METTL15: variants seen among roughly 807,000 people sequenced by gnomAD.
METTL15 encodes the protein 12S rRNA N(4)-cytidine methyltransferase METTL15.
Under a neutral mutation model 38.3 loss-of-function variants are expected in METTL15, and 34 were observed. The observed-to-expected ratio is 0.89, with a 90% CI of 0.68 to 1.18. The LOEUF (loss-of-function observed/expected upper bound fraction) is 1.18, where lower values mean the gene tolerates loss of function less well. METTL15 is among the 50% of genes most tolerant of loss of function. The pLI is 0.00. For missense variants in METTL15, 438 were observed against 498.4 expected (o/e 0.88, Z 1.15); for synonymous variants, 162 against 170.9 (o/e 0.95, Z 0.41).
At chr11:28,279,785 A>C (rs1186948744) in intron 4 of METTL15, among the ~76,000 whole-genome samples, 1 of 152,112 alleles carries the variant, frequency 6.6e-6, no homozygotes. Flanking sequence ...CTGTAATCCC[A>C]GCTACTCGGA....
intron 3 of METTL15, among the ~76,000 whole-genome samples, chr11:28,210,423 C>G (rs539300147): frequency 6.6e-6 from 1 of 151,650 alleles, no homozygotes; most frequent in Admixed American, 6.6e-5. Flanking sequence ...GTAACTATCC[C>G]AAAGACATAG....
intron 6 of METTL15, among the ~76,000 whole-genome samples, chr11:28,459,464 T>C (rs1396066781): frequency 6.6e-6 from 1 of 152,168 alleles, no homozygotes; most frequent in African/African-American, 2.4e-5. Flanking sequence ...TTTTTCATAG[T>C]GCCATCTTAC....
At chr11:28,271,178 A>G (rs1046724386) in intron 4 of METTL15, among the ~76,000 whole-genome samples, 2 of 152,166 alleles carry the variant, frequency 1.3e-5, no homozygotes, top group Non-Finnish European at 2.9e-5. Flanking sequence ...GCATTTCTGG[A>G]CATTTTCACA....
chr11:28,406,835 T>C (rs1850678682), intron 5 of METTL15, among the ~76,000 whole-genome samples: 3 of 152,188 alleles, frequency 2.0e-5, no homozygotes, highest in African/African-American at 7.2e-5. Flanking sequence ...CATAAATGGC[T>C]CTTATTATTT....
intron 4 of METTL15, among the ~76,000 whole-genome samples, chr11:28,268,783 G>A (rs1855532278): frequency 6.6e-6 from 1 of 152,060 alleles, no homozygotes; most frequent in Admixed American, 6.6e-5. Flanking sequence ...CCCTGATTAG[G>A]ATATTATTAT....
chr11:28,174,892 T>C (rs1455529247), intron 3 of METTL15, among the ~76,000 whole-genome samples: 1 of 151,490 alleles, frequency 6.6e-6, no homozygotes. Context: ...TCTTTCTATG[T>C]ATTGAAGATT....
At chr11:28,275,111 A>G (rs1855792882) in intron 4 of METTL15, among the ~76,000 whole-genome samples, 1 of 151,702 alleles carries the variant, frequency 6.6e-6, no homozygotes, top group Admixed American at 6.6e-5. Flanking sequence ...GAAAATATAT[A>G]AAAAGATCAA....
At chr11:28,430,915 CCCCG>C in intron 6 of METTL15, among the ~76,000 whole-genome samples, 1 of 120,280 alleles carries the variant, frequency 8.3e-6, no homozygotes, top group South Asian at 2.8e-4. Context: ...GGGGTCAGCC[CCCCG>C]CCCGGCCAGC....
rs1364016064 is a variant in METTL15 at position 28,332,459 on chromosome 11, T to C, written c.*1618T>C. Reference sequence around the variant, plus strand: ...TTTCATAAGTCATTTTTTCACCCTGTATAGTATGGGAATTATTTTTTATGT... The same window carrying C: ...TTTCATAAGTCATTTTTTCACCCTGCATAGTATGGGAATTATTTTTTATGT... On this transcript the variant is annotated 3_prime_UTR_variant, in exon 7 of 7. Coordinates refer to ENST00000407364, the MANE Select transcript of METTL15 (RefSeq NM_001113528.2). 6.6e-6 allele frequency: 1 copy of C among 151,968 alleles called. No individual in the cohort carries two copies. The highest frequency in any genetic ancestry group is 1.5e-5 in the Non-Finnish European group (1 of 68,012). 9.4% of individuals were successfully genotyped at this position (151,968 alleles called of 1,614,324 possible).
At chr11:28,328,772 A>C (rs1201705907) in intron 6 of METTL15, among the ~76,000 whole-genome samples, 2 of 152,098 alleles carry the variant, frequency 1.3e-5, no homozygotes, top group Non-Finnish European at 2.9e-5. Flanking sequence ...TAGATGGGAC[A>C]TACCTGTTTT....
chr11:28,447,623 C>T (rs990752771), intron 6 of METTL15, among the ~76,000 whole-genome samples: 9 of 151,682 alleles, frequency 5.9e-5, no homozygotes, highest in African/African-American at 2.2e-4. Context: ...GATTTTAGTT[C>T]TTCTCTTGTT....
At chr11:28,178,953 T>C (rs906834813) in intron 3 of METTL15, among the ~76,000 whole-genome samples, 2 of 151,820 alleles carry the variant, frequency 1.3e-5, no homozygotes, top group Non-Finnish European at 3.0e-5. Context: ...CTTTCTGTAC[T>C]CCAGAACTAT....
At chr11:28,286,073 A>C (rs1466924555) in intron 4 of METTL15, among the ~76,000 whole-genome samples, 1 of 152,176 alleles carries the variant, frequency 6.6e-6, no homozygotes, top group Non-Finnish European at 1.5e-5. Flanking sequence ...TATTATATGA[A>C]GAAATTTATT....
chr11:28,239,939 A>C (rs543878702), intron 4 of METTL15, among the ~76,000 whole-genome samples: 12 of 152,204 alleles, frequency 7.9e-5, no homozygotes, highest in Non-Finnish European at 1.8e-4. Context: ...CCCAACTAGA[A>C]TATAACTACC....
chr11:28,267,818 G>C (rs1321309738), intron 4 of METTL15, among the ~76,000 whole-genome samples: 1 of 152,172 alleles, frequency 6.6e-6, no homozygotes, highest in Non-Finnish European at 1.5e-5. Flanking sequence ...CAAAGTATGT[G>C]AAAACAAGGG....
At position 28,429,437 on chromosome 11, in the gene METTL15, G is replaced by A. The variant is rs866910288; in HGVS notation, c.*424+5073G>A. Among the ~76,000 whole-genome samples, 398 of 118,070 alleles carry A rather than the reference G, an allele frequency of 3.4e-3. 2 individuals carry two copies. Among genetic ancestry groups the A allele is most frequent in the Admixed American group, 5.1e-3 (48 of 9,388 alleles). 77.5% of individuals were successfully genotyped at this position (118,070 alleles called of 152,430 possible). On this transcript the variant is annotated intron_variant and NMD_transcript_variant, in intron 6 of 7. Transcript: ENST00000532947. The stretch of plus-strand genomic sequence containing the variant: ...TGCGGAGCCGAAGCTGGACTGTACT[G>A]CTGCCATCTCGGCTCACTGCAACCT...
At chr11:28,436,287 A>G (rs1850981378) in intron 6 of METTL15, among the ~76,000 whole-genome samples, 1 of 152,202 alleles carries the variant, frequency 6.6e-6, no homozygotes, top group South Asian at 2.1e-4. Flanking sequence ...TTTAAGTTTT[A>G]GTTATGACAG....
chr11:28,134,387 T>A (rs977167018), intron 3 of METTL15, among the ~76,000 whole-genome samples: 5 of 152,130 alleles, frequency 3.3e-5, no homozygotes, highest in African/African-American at 1.2e-4. Flanking sequence ...CATTCCCCCG[T>A]GCGTATGTGG....
chr11:28,325,053 A>G (rs1849589842), intron 6 of METTL15, among the ~76,000 whole-genome samples: 1 of 152,034 alleles, frequency 6.6e-6, no homozygotes, highest in African/African-American at 2.4e-5. Context: ...TGAGCGAGCC[A>G]AGCTTTGTCC....
Sources: allele counts gnomAD v4.1 joint callset (sites outside exome capture counted in the v4.1 genomes callset), GRCh38; gene constraint gnomAD v4.1.1; transcripts MANE v1.5; gene names NCBI Gene and HGNC (gene_info 2026-07-23, HGNC 2026-07-21).